Variants in SENP7 observed in about 807,000 individuals in gnomAD.
SENP7 encodes the protein SUMO specific peptidase 7.
In SENP7, 64 loss-of-function variants were observed where a neutral mutation model predicts 141.2. The observed-to-expected ratio is 0.45, with a 90% CI of 0.37 to 0.56. The LOEUF is 0.56. SENP7 is among the 20% of genes least tolerant of loss of function. SENP7 has a pLI of 0.00. For missense variants in SENP7, 1,025 were observed against 1,212.2 expected (o/e 0.85, Z 2.29); for synonymous variants, 382 against 426.4 (o/e 0.90, Z 1.28).
chr3:101,343,425 T>C (rs190077070), intron 14 of SENP7, among the ~76,000 whole-genome samples: 1 of 152,136 alleles, frequency 6.6e-6, no homozygotes, highest in Non-Finnish European at 1.5e-5. Flanking sequence ...TTATCCACCA[T>C]GTATTATTTA....
intron 2 of SENP7, among the ~76,000 whole-genome samples, chr3:101,494,445 T>C (rs995300917): frequency 1.3e-5 from 2 of 152,142 alleles, no homozygotes; most frequent in South Asian, 2.1e-4. Context: ...CATCATATTA[T>C]TTTATATCTC....
At chr3:101,432,972 GT>G (rs1200828683) in intron 4 of SENP7, among the ~76,000 whole-genome samples, 2 of 152,118 alleles carry the variant, frequency 1.3e-5, no homozygotes, top group Non-Finnish European at 2.9e-5. Context: ...TCATAACACT[GT>G]AACTGTGGTG....
At chr3:101,490,171 G>A (rs1413497288) in intron 3 of SENP7, among the ~76,000 whole-genome samples, 1 of 150,790 alleles carries the variant, frequency 6.6e-6, no homozygotes. Context: ...GGCAACAAGG[G>A]GGAAACTCCG....
intron 3 of SENP7, among the ~76,000 whole-genome samples, chr3:101,485,400 G>A (rs535226566): frequency 6.6e-6 from 1 of 152,042 alleles, no homozygotes; most frequent in Non-Finnish European, 1.5e-5. Context: ...TGGTATCCAC[G>A]GCTGAGAGAT....
rs561719488 is a variant in SENP7 at position 101,487,148 on chromosome 3, TAGAC to T, written c.186+6721_186+6724del. ...TTACTAATAGACCTAAGAAATGAAA[TAGAC>T]AGCAACGTAATATTAGTGGGGGACT... On this transcript the variant is annotated intron_variant, in intron 3 of 23. Transcript: ENST00000394095. 1.7e-3 allele frequency among the ~76,000 whole-genome samples: 263 copies of T among 152,118 alleles called. 3 individuals carry two copies. The highest frequency in any genetic ancestry group is 2.4e-3 in the Non-Finnish European group (164 of 67,970).
At chr3:101,396,951 C>A (rs6785482) in intron 6 of SENP7, among the ~76,000 whole-genome samples, 4 of 152,006 alleles carry the variant, frequency 2.6e-5, no homozygotes, top group Admixed American at 6.5e-5. Context: ...TCAAGCAATT[C>A]TCCTGCCTCA....
Position 101,332,006 on chromosome 3 carries a change from G to T in SENP7, c.2677C>A (p.Gln893Lys). ...VSQQSQAQQS[Q>K]NDNKTIDNDL... ...TCACCTATTGTTTTGTTGTCATTTTGGGACTGCTGAGCCTGGGACTGCTGG... is the reference window on the plus strand; with the variant it reads ...TCACCTATTGTTTTGTTGTCATTTTTGGACTGCTGAGCCTGGGACTGCTGG... Residue 893 changes from glutamine to lysine, a missense_variant, in exon 19 of 24, where the codon CAA (glutamine) becomes AAA (lysine). Physicochemically the swap from Gln to Lys is moderately conservative, Grantham distance 53 (BLOSUM62 1). Around this residue, in one of 4 missense-constraint regions of SENP7, gnomAD observed 295 missense variants for 459.1 expected, o/e 0.64. Coordinates refer to ENST00000394095, the MANE Select transcript of SENP7 (RefSeq NM_020654.5). 1.2e-6 allele frequency: 2 copies of T among 1,613,174 alleles called. No individual in the cohort carries two copies. Among genetic ancestry groups the T allele is most frequent in the Non-Finnish European group, 1.7e-6 (2 of 1,179,526 alleles).
At chr3:101,464,089 T>G (rs999640213) in intron 3 of SENP7, among the ~76,000 whole-genome samples, 3 of 152,128 alleles carry the variant, frequency 2.0e-5, no homozygotes, top group African/African-American at 7.2e-5. Context: ...CCTCCAAAAG[T>G]GCTGGAATTA....
chr3:101,381,299 C>G (rs1055735008), intron 6 of SENP7, among the ~76,000 whole-genome samples: 2 of 152,130 alleles, frequency 1.3e-5, no homozygotes, highest in African/African-American at 4.8e-5. Flanking sequence ...CTTTGAACCT[C>G]AAAAAGTTTC....
At chr3:101,507,411 T>C (rs2065665433) in intron 1 of SENP7, among the ~76,000 whole-genome samples, 1 of 152,202 alleles carries the variant, frequency 6.6e-6, no homozygotes, top group Non-Finnish European at 1.5e-5. Context: ...CCTATCACCT[T>C]CTTATTATCA....
intron 4 of SENP7, among the ~76,000 whole-genome samples, chr3:101,452,068 T>C (rs1229084309): frequency 5.9e-5 from 9 of 152,076 alleles, no homozygotes; most frequent in South Asian, 2.1e-4. Context: ...TATACACCAA[T>C]AACAGACAAA....
intron 1 of SENP7, among the ~76,000 whole-genome samples, chr3:101,511,141 G>C (rs1679780263): frequency 6.6e-6 from 1 of 152,138 alleles, no homozygotes; most frequent in Non-Finnish European, 1.5e-5. Context: ...CTCCAAAAGA[G>C]AGATCACGAG....
intron 5 of SENP7, among the ~76,000 whole-genome samples, chr3:101,408,228 C>T (rs545093428): frequency 1.4e-3 from 214 of 152,060 alleles, no homozygotes; most frequent in Non-Finnish European, 2.1e-3. Flanking sequence ...TAGCTTAAAT[C>T]GGGAAGAATT....
intron 3 of SENP7, among the ~76,000 whole-genome samples, chr3:101,476,403 T>A (rs941449194): frequency 4.6e-5 from 7 of 152,328 alleles, no homozygotes; most frequent in African/African-American, 1.7e-4. Flanking sequence ...TCCAGCTTCA[T>A]CCATGTCCCT....
chr3:101,368,010 G>A lies in SENP7; in HGVS notation c.798C>T (p.Asp266=), dbSNP rs2060082996. Reference sequence around the variant, plus strand: ...CACAACCTCTACTTCCACTGTTAAGGTCTTAAAAAACAAATGAAGCATAAA... The same window carrying A: ...CACAACCTCTACTTCCACTGTTAAGATCTTAAAAAACAAATGAAGCATAAA... ...SLLISDTQPE[D]LNSGSRGCDH... The change falls in exon 8 of 24, where the codon GAC becomes GAT. Residue 266 remains aspartate (D), a splice_region_variant and synonymous_variant. Transcript: ENST00000394095. 6.3e-7 allele frequency: 1 copy of A among 1,594,806 alleles called. No homozygotes were observed. Among genetic ancestry groups the A allele is most frequent in the African/African-American group, 1.4e-5 (1 of 73,564 alleles).
At position 101,408,476 on chromosome 3, in the gene SENP7, TA is replaced by T. The variant is rs372489665; in HGVS notation, c.482+9116del. ...TAATACCAAAACCAAGAAAGGACAT[TA>T]AAAAAAGAAAACTACAGACCAATAC... On this transcript the variant is annotated intron_variant, in intron 5 of 23. Transcript: ENST00000394095. 3.2e-4 allele frequency among the ~76,000 whole-genome samples: 49 copies of T among 151,520 alleles called. No individual in the cohort carries two copies. The South Asian group carries it at 0.01, about 31-fold the overall frequency.
At chr3:101,333,051 T>A (rs550619629) in intron 17 of SENP7, 189 bp from the exon 18 acceptor site, 4 of 545,614 alleles carry the variant, frequency 7.3e-6, no homozygotes, top group Non-Finnish European at 1.2e-5. Flanking sequence ...ATTTAATAAC[T>A]ATAAACAATA....
Sources: gnomAD v4.1 joint callset for allele counts (sites outside exome capture counted in the v4.1 genomes callset) on GRCh38, gnomAD v4.1.1 for gene constraint, gnomAD v4.1.1 regional missense constraint, MANE v1.5 for transcripts, NCBI Gene and HGNC (gene_info 2026-07-23, HGNC 2026-07-21) for gene names.